Variants in CSMD2 observed in about 807,000 individuals in gnomAD.
The protein encoded by CSMD2 is CUB and sushi domain-containing protein 2.
CSMD2 carries 130 observed loss-of-function variants against 398.5 expected under a neutral mutation model. That is an observed-to-expected ratio of 0.33 (90% CI 0.28 to 0.38). The LOEUF is 0.38. CSMD2 is among the 10% of genes least tolerant of loss of function. CSMD2 has a pLI of 1.00. For missense variants in CSMD2, 3,829 were observed against 4,764.9 expected (o/e 0.80, Z 5.78); for synonymous variants, 1,828 against 1,908.5 (o/e 0.96, Z 1.10).
chr1:33,924,312 T>A (rs1372586672), intron 4 of CSMD2, among the ~76,000 whole-genome samples: 1 of 152,198 alleles, frequency 6.6e-6, no homozygotes, highest in Non-Finnish European at 1.5e-5. Flanking sequence ...TAACTGGGAC[T>A]ATGGGCGCAT....
intron 2 of CSMD2, among the ~76,000 whole-genome samples, chr1:34,061,330 C>G (rs1654480436): frequency 6.6e-6 from 1 of 152,208 alleles, no homozygotes; most frequent in Admixed American, 6.5e-5. Flanking sequence ...GCAGACTGTG[C>G]TCTGATGGCT....
rs893871780 is a variant in CSMD2 at position 33,772,808 on chromosome 1, G to A, written c.1664-57C>T. ...AAAAGGTGACTTTATACCTCTTTTGGAGCTGAAGGTCCACATGACAAGCTC... is the reference window on the plus strand; with the variant it reads ...AAAAGGTGACTTTATACCTCTTTTGAAGCTGAAGGTCCACATGACAAGCTC... On this transcript the variant is annotated intron_variant, in intron 12 of 70. Transcript: ENST00000373381. 5 of 1,461,138 alleles carry A rather than the reference G, an allele frequency of 3.4e-6. No homozygotes were observed. In the African/African-American group the frequency reaches 6.9e-5, roughly 20 times the overall value. 90.5% of individuals were successfully genotyped at this position (1,461,138 alleles called of 1,614,324 possible).
At chr1:33,817,459 G>T (rs956330195) in intron 9 of CSMD2, among the ~76,000 whole-genome samples, 1 of 152,222 alleles carries the variant, frequency 6.6e-6, no homozygotes, top group South Asian at 2.1e-4. Context: ...GAAGGAACCC[G>T]CCCAGGGCCA....
intron 14 of CSMD2, among the ~76,000 whole-genome samples, chr1:33,740,198 A>G (rs1647011727): frequency 6.6e-6 from 1 of 152,152 alleles, no homozygotes; most frequent in Non-Finnish European, 1.5e-5. Flanking sequence ...CTGCATGGGA[A>G]GATACTCTTT....
chr1:34,013,252 T>C (rs1647614422), intron 3 of CSMD2, among the ~76,000 whole-genome samples: 1 of 152,344 alleles, frequency 6.6e-6, no homozygotes, highest in Admixed American at 6.5e-5. Context: ...AATAGGTGCC[T>C]GCCAGGCAGA....
At chr1:34,013,991 C>A (rs904878716) in intron 3 of CSMD2, among the ~76,000 whole-genome samples, 2 of 152,170 alleles carry the variant, frequency 1.3e-5, no homozygotes, top group African/African-American at 4.8e-5. Context: ...ATGGGCTTTG[C>A]CACCTCAGTT....
intron 31 of CSMD2, among the ~76,000 whole-genome samples, chr1:33,634,565 C>A (rs185943957): frequency 1.3e-5 from 2 of 152,286 alleles, no homozygotes; most frequent in East Asian, 3.9e-4. Flanking sequence ...CCTGGTTGCC[C>A]TTCATCTTCC....
At chr1:33,673,816 T>C (rs540624493) in intron 25 of CSMD2, among the ~76,000 whole-genome samples, 11 of 152,248 alleles carry the variant, frequency 7.2e-5, no homozygotes, top group Admixed American at 1.3e-4. Flanking sequence ...TCAACATTCT[T>C]AAAGAAAAGA....
intron 5 of CSMD2, among the ~76,000 whole-genome samples, chr1:33,877,040 T>A (rs1445234605): frequency 6.6e-6 from 1 of 152,208 alleles, no homozygotes; most frequent in Non-Finnish European, 1.5e-5. Flanking sequence ...AAAATGAGTA[T>A]AAACTAAAGA....
chr1:33,890,407 T>C (rs941704112), intron 5 of CSMD2, among the ~76,000 whole-genome samples: 1 of 152,036 alleles, frequency 6.6e-6, no homozygotes. Context: ...ATTTTTTGTA[T>C]TTTTAGTAGA....
intron 4 of CSMD2, among the ~76,000 whole-genome samples, chr1:33,919,414 A>G (rs969534644): frequency 6.6e-6 from 1 of 152,230 alleles, no homozygotes; most frequent in African/African-American, 2.4e-5. Flanking sequence ...GGCTAGAGAT[A>G]AAAGTGATCT....
chr1:33,631,064 A>T (rs890940035), intron 32 of CSMD2, among the ~76,000 whole-genome samples: 8 of 150,474 alleles, frequency 5.3e-5, no homozygotes, highest in East Asian at 3.9e-4. Flanking sequence ...AGAGATTAAT[A>T]AAAAAAAGCA....
intron 15 of CSMD2, among the ~76,000 whole-genome samples, chr1:33,728,041 G>A (rs1646596895): frequency 6.6e-6 from 1 of 152,212 alleles, no homozygotes. Context: ...TCCTAGGAAA[G>A]CTGAGGCTTA....
intron 3 of CSMD2, among the ~76,000 whole-genome samples, chr1:33,950,411 G>A (rs1644969591): frequency 6.6e-6 from 1 of 151,926 alleles, no homozygotes; most frequent in Non-Finnish European, 1.5e-5. Context: ...GAGAGAGAGA[G>A]AGAGAGAGAG....
intron 25 of CSMD2, among the ~76,000 whole-genome samples, chr1:33,674,110 T>C (rs1367358115): frequency 6.6e-6 from 1 of 152,122 alleles, no homozygotes; most frequent in Non-Finnish European, 1.5e-5. Context: ...CACATAACAA[T>C]ATTAACCTTA....
At chr1:33,569,238 T>G in intron 52 of CSMD2, 136 bp downstream of exon 52, 1 of 875,560 alleles carries the variant, frequency 1.1e-6, no homozygotes, top group Non-Finnish European at 1.6e-6. Context: ...TGATGGCCAA[T>G]AGTTGGTGTT....
chr1:33,561,953 G>C (rs1658595033), intron 53 of CSMD2, among the ~76,000 whole-genome samples: 1 of 152,150 alleles, frequency 6.6e-6, no homozygotes, highest in Non-Finnish European at 1.5e-5. Flanking sequence ...CATATAAAGA[G>C]AGAGAAGAAT....
At chr1:33,929,350 T>TA (rs1644235337) in intron 4 of CSMD2, among the ~76,000 whole-genome samples, 1 of 151,358 alleles carries the variant, frequency 6.6e-6, no homozygotes, top group Non-Finnish European at 1.5e-5. Context: ...AGTGATCTTT[T>TA]AAAAAAATTA....
chr1:33,806,610 C>T (rs1225072238), intron 10 of CSMD2, among the ~76,000 whole-genome samples: 1 of 151,994 alleles, frequency 6.6e-6, no homozygotes, highest in East Asian at 1.9e-4. Context: ...CACTAACAGA[C>T]ACAAAATATA....
Sources: gnomAD v4.1 joint callset for allele counts (sites outside exome capture counted in the v4.1 genomes callset) on GRCh38, gnomAD v4.1.1 for gene constraint, MANE v1.5 for transcripts, NCBI Gene and HGNC (gene_info 2026-07-23, HGNC 2026-07-21) for gene names.